NFATC2: variants seen among roughly 807,000 people sequenced by gnomAD.
The protein encoded by NFATC2 is nuclear factor of activated T cells 2, also known as nuclear factor of activated T-cells, cytoplasmic 2.
NFATC2 carries 22 observed loss-of-function variants against 87.3 expected under a neutral mutation model. That is an observed-to-expected ratio of 0.25 (90% CI 0.18 to 0.36). NFATC2 has a LOEUF of 0.36. NFATC2 is among the 10% of genes least tolerant of loss of function. The pLI, the probability that NFATC2 is intolerant of heterozygous loss-of-function variation, is 1.00. For missense variants in NFATC2, 1,149 were observed against 1,259.1 expected (o/e 0.91, Z 1.32); for synonymous variants, 565 against 542.2 (o/e 1.04, Z -0.58).
chr20:51,427,437 A>G (rs1982002374), intron 9 of NFATC2, among the ~76,000 whole-genome samples: 1 of 152,198 alleles, frequency 6.6e-6, no homozygotes. Context: ...GTTGCATTTT[A>G]AGTAACCGCG....
rs1341288118 is a variant in NFATC2, at chr20:51,418,663, T to TA, written c.2722+13403_2722+13404insT. ...TTTTCTTTTGTTGTTTGTTTGGTTTTTTTTTTTTTTTTTTTTTGAGACGGA... is the reference window on the plus strand; with the variant it reads ...TTTTCTTTTGTTGTTTGTTTGGTTTTATTTTTTTTTTTTTTTTTGAGACGGA... On this transcript the variant is annotated intron_variant, in intron 9 of 10. Coordinates refer to ENST00000371564, the MANE Select transcript of NFATC2 (RefSeq NM_012340.5). 4.5e-5 allele frequency among the ~76,000 whole-genome samples: 6 copies of TA among 134,158 alleles called. 1 individual carries two copies. The highest frequency in any genetic ancestry group is 2.1e-4 in the African/African-American group (6 of 29,180). The allele number at this position is 134,158 out of a possible 152,430, so 88.0% of individuals were successfully genotyped here.
intron 3 of NFATC2, among the ~76,000 whole-genome samples, chr20:51,497,669 C>A (rs1038117698): frequency 6.6e-6 from 1 of 152,030 alleles, no homozygotes; most frequent in Non-Finnish European, 1.5e-5. Context: ...CCTTTGCTCA[C>A]GGAGGAGTGA....
chr20:51,511,684 T>G (rs1171929220), intron 3 of NFATC2, among the ~76,000 whole-genome samples: 1 of 152,230 alleles, frequency 6.6e-6, no homozygotes, highest in Non-Finnish European at 1.5e-5. Context: ...GTCCATAGCT[T>G]CCGCTCCCAC....
At chr20:51,451,008 C>T (rs928892290) in intron 6 of NFATC2, among the ~76,000 whole-genome samples, 6 of 152,348 alleles carry the variant, frequency 3.9e-5, no homozygotes, top group Middle Eastern at 6.8e-3. Context: ...CTGGCTGACT[C>T]CTAACTCCGT....
At chr20:51,415,245 CA>C (rs33978165) in intron 9 of NFATC2, among the ~76,000 whole-genome samples, 130 of 136,534 alleles carry the variant, frequency 9.5e-4, no homozygotes, top group East Asian at 2.8e-3. Flanking sequence ...GACCCTGTAT[CA>C]AAAAAAAAAA....
intron 9 of NFATC2, among the ~76,000 whole-genome samples, chr20:51,405,159 C>A (rs1466931442): frequency 6.6e-6 from 1 of 152,192 alleles, no homozygotes; most frequent in Non-Finnish European, 1.5e-5. Flanking sequence ...GCATCAGACG[C>A]CAGCCAAGCA....
intron 9 of NFATC2, among the ~76,000 whole-genome samples, chr20:51,399,875 G>A (rs1034473432): frequency 2.0e-5 from 3 of 152,150 alleles, no homozygotes; most frequent in Admixed American, 6.5e-5. Context: ...CTATCCTGAC[G>A]ATGGCCACAT....
intron 9 of NFATC2, among the ~76,000 whole-genome samples, chr20:51,415,465 G>A (rs1340590297): frequency 6.6e-6 from 1 of 152,032 alleles, no homozygotes; most frequent in African/African-American, 2.4e-5. Context: ...GCTTATTGTG[G>A]TCCCTGAGTA....
intron 1 of NFATC2, among the ~76,000 whole-genome samples, chr20:51,526,965 A>T (rs2076555333): frequency 6.6e-6 from 1 of 152,016 alleles, no homozygotes; most frequent in Non-Finnish European, 1.5e-5. Context: ...GTGGCGCAAT[A>T]ATAGCTCACT....
intron 6 of NFATC2, among the ~76,000 whole-genome samples, chr20:51,445,519 T>C (rs1231144838): frequency 1.3e-5 from 2 of 152,182 alleles, no homozygotes; most frequent in Non-Finnish European, 2.9e-5. Flanking sequence ...ACTGCAAGTA[T>C]GTCCCAAACT....
At chr20:51,446,412 A>G (rs1221002076) in intron 6 of NFATC2, among the ~76,000 whole-genome samples, 2 of 152,144 alleles carry the variant, frequency 1.3e-5, no homozygotes, top group African/African-American at 4.8e-5. Flanking sequence ...CATCTCAGAG[A>G]TGGGAAAACT....
intron 3 of NFATC2, among the ~76,000 whole-genome samples, chr20:51,506,897 G>A (rs899682632): frequency 3.9e-5 from 6 of 152,186 alleles, no homozygotes; most frequent in South Asian, 2.1e-4. Flanking sequence ...CCTCAGTGGC[G>A]AGGGCGGAGG....
At chr20:51,394,969 C>A (rs564750615) in intron 10 of NFATC2, among the ~76,000 whole-genome samples, 1 of 152,352 alleles carries the variant, frequency 6.6e-6, no homozygotes, top group Admixed American at 6.5e-5. Flanking sequence ...GCACCATGCA[C>A]ACAGCAGGTG....
At chr20:51,408,357 T>C (rs972595657) in intron 9 of NFATC2, among the ~76,000 whole-genome samples, 1 of 151,418 alleles carries the variant, frequency 6.6e-6, no homozygotes, top group Non-Finnish European at 1.5e-5. Context: ...CTACTAAAAA[T>C]ACAAAAATTA....
In NFATC2 at chr20:51,524,930, T is replaced by G. The variant is rs557577327; in HGVS notation, c.131-820A>C. Among the ~76,000 whole-genome samples the G allele has an allele frequency of 2.1e-4, 32 of 152,086 alleles. 1 individual carries two copies. Among genetic ancestry groups the G allele is most frequent in the Admixed American group, 1.0e-3 (16 of 15,284 alleles). ...CTGACACCCAAACTATTAGACCCAA[T>G]GGATGCAGGCCGGGCGTGGTGGCTC... On this transcript the variant is annotated intron_variant, in intron 1 of 10. Transcript: ENST00000371564. The surrounding 1 kb of genome is among the most constrained non-coding windows in gnomAD (Gnocchi z 4.0).
intron 3 of NFATC2, among the ~76,000 whole-genome samples, chr20:51,514,576 T>C (rs1303739479): frequency 6.6e-6 from 1 of 152,046 alleles, no homozygotes; most frequent in East Asian, 1.9e-4. Context: ...TGTGGACACA[T>C]AAAACAGAGC....
intron 5 of NFATC2, among the ~76,000 whole-genome samples, chr20:51,472,785 A>G (rs1444192300): frequency 6.6e-6 from 1 of 151,610 alleles, no homozygotes; most frequent in African/African-American, 2.4e-5. Flanking sequence ...ACAGGCGCAT[A>G]CCACCACACC....
intron 3 of NFATC2, among the ~76,000 whole-genome samples, chr20:51,491,284 TA>T (rs879352877): frequency 2.2e-3 from 318 of 142,614 alleles, no homozygotes; most frequent in Admixed American, 2.0e-3. Flanking sequence ...TGGACAAGGT[TA>T]AAAAAAAAAA....
At chr20:51,529,164 G>A (rs1001137330) in intron 1 of NFATC2, among the ~76,000 whole-genome samples, 1 of 152,010 alleles carries the variant, frequency 6.6e-6, no homozygotes, top group Non-Finnish European at 1.5e-5. Context: ...CAAAAATTCC[G>A]GCCGTATCAG....
Sources: gnomAD v4.1 joint callset for allele counts (sites outside exome capture counted in the v4.1 genomes callset) on GRCh38, gnomAD v4.1.1 for gene constraint, Gnocchi (gnomAD v3.1) non-coding constraint, MANE v1.5 for transcripts, NCBI Gene and HGNC (gene_info 2026-07-23, HGNC 2026-07-21) for gene names.